The following MYO1D variants were observed in gnomAD, a reference collection of about 807,000 sequenced individuals.
MYO1D encodes unconventional myosin-Id.
Under a neutral mutation model 122.0 loss-of-function variants are expected in MYO1D, and 83 were observed. The ratio of observed to expected loss-of-function variants is 0.68; its 90% CI spans 0.57 to 0.82. The LOEUF (loss-of-function observed/expected upper bound fraction) is 0.82, where lower values mean the gene tolerates loss of function less well. Ranked by LOEUF, MYO1D falls within the 40% of genes least tolerant of loss-of-function variation. The pLI, the probability that MYO1D is intolerant of heterozygous loss-of-function variation, is 0.00. For synonymous variants in MYO1D, 464 were observed against 446.9 expected, an observed-to-expected ratio of 1.04 and a Z score of -0.48; for missense variants, 1,157 against 1,269.5, an observed-to-expected ratio of 0.91 and a Z score of 1.35.
At chr17:32,567,305 G>A (rs750822314) in intron 21 of MYO1D, among the ~76,000 whole-genome samples, 5 of 152,186 alleles carry the variant, frequency 3.3e-5, no homozygotes, top group Non-Finnish European at 5.9e-5. Context: ...AATAGATGCT[G>A]ACTCAGCGAA....
chr17:32,752,083 T>G (rs1220535016), intron 11 of MYO1D, among the ~76,000 whole-genome samples: 1 of 152,146 alleles, frequency 6.6e-6, no homozygotes, highest in African/African-American at 2.4e-5. Flanking sequence ...AATAGACATA[T>G]AGATCAATGG....
chr17:32,575,489 T>C (rs2087270268), intron 21 of MYO1D, among the ~76,000 whole-genome samples: 2 of 152,246 alleles, frequency 1.3e-5, no homozygotes, highest in African/African-American at 4.8e-5. Context: ...ATTTTCCATG[T>C]GGTGTGATTA....
chr17:32,734,735 C>T (rs1281114588), intron 14 of MYO1D: 1 of 151,930 alleles, frequency 6.6e-6, no homozygotes, highest in Non-Finnish European at 1.5e-5. Flanking sequence ...ATTTTACTTG[C>T]TTTGAAGATG....
Position 32,686,123 on chromosome 17 carries a change from A to C in MYO1D, c.2121+25865T>G, listed in dbSNP as rs543505876. 6 of 152,364 alleles carry C rather than the reference A, an allele frequency of 3.9e-5. No homozygotes were observed. In the South Asian group the frequency reaches 1.2e-3, roughly 32 times the overall value. The allele number at this position is 152,364 out of a possible 1,614,324, so 9.4% of individuals were successfully genotyped here. On this transcript the variant is annotated intron_variant, in intron 16 of 21. Coordinates refer to ENST00000318217, the MANE Select transcript of MYO1D (RefSeq NM_015194.3). ...ACAGATCTGTGGAAGGGGGAAAAAA[A>C]ACACACAAAAAAACAAAAACAAACA...
At chr17:32,527,838 CT>C (rs35009377) in intron 21 of MYO1D, among the ~76,000 whole-genome samples, 18,852 of 134,620 alleles carry the variant, frequency 0.14, 1,121 homozygotes, top group South Asian at 0.28. Context: ...AGCAAAACAA[CT>C]TTTTTTTTTT....
chr17:32,852,283 A>G (rs1472169110), intron 1 of MYO1D, among the ~76,000 whole-genome samples: 4 of 152,052 alleles, frequency 2.6e-5, no homozygotes, highest in African/African-American at 9.6e-5. Context: ...ATGCTACCAC[A>G]CCTGGCTAGT....
At chr17:32,659,525 G>A (rs147801415) in intron 16 of MYO1D, 187 bp from the exon 17 acceptor site, 3 of 607,282 alleles carry the variant, frequency 4.9e-6, no homozygotes, top group Non-Finnish European at 8.7e-6. Context: ...AGTCACATCA[G>A]TCATTTTGTT....
intron 1 of MYO1D, among the ~76,000 whole-genome samples, chr17:32,872,858 G>C (rs1471139700): frequency 2.6e-5 from 4 of 151,358 alleles, no homozygotes; most frequent in African/African-American, 9.7e-5. Context: ...CACCGCGCCC[G>C]GCTAATTTTT....
At chr17:32,508,282 C>CT (rs138027843) in intron 21 of MYO1D, among the ~76,000 whole-genome samples, 13 of 148,482 alleles carry the variant, frequency 8.8e-5, no homozygotes, top group African/African-American at 1.5e-4. Flanking sequence ...TCTATGGTAT[C>CT]TTTTTTTTTT....
chr17:32,846,985 TCAAA>T (rs529383218), intron 1 of MYO1D, among the ~76,000 whole-genome samples: 5 of 152,058 alleles, frequency 3.3e-5, no homozygotes, highest in African/African-American at 9.7e-5. Context: ...AGACCCTGTT[TCAAA>T]CAAACAAACA....
At chr17:32,657,414 A>G (rs2088493116) in intron 17 of MYO1D, among the ~76,000 whole-genome samples, 1 of 152,252 alleles carries the variant, frequency 6.6e-6, no homozygotes, top group South Asian at 2.1e-4. Context: ...ACATTTTTAC[A>G]TGTTTACCAA....
chr17:32,637,104 GA>G (rs2088111349), intron 20 of MYO1D, among the ~76,000 whole-genome samples: 2 of 152,248 alleles, frequency 1.3e-5, no homozygotes, highest in South Asian at 4.2e-4. Context: ...ATGAATAAGG[GA>G]AAACAGCTTC....
chr17:32,746,027 GAC>G (rs1191190097), intron 12 of MYO1D, among the ~76,000 whole-genome samples: 1 of 152,208 alleles, frequency 6.6e-6, no homozygotes, highest in East Asian at 1.9e-4. Context: ...AGGAACTTTA[GAC>G]ACAGCTACAC....
chr17:32,754,987 A>G (rs1567625409), intron 11 of MYO1D, among the ~76,000 whole-genome samples: 2 of 152,228 alleles, frequency 1.3e-5, no homozygotes, highest in South Asian at 2.1e-4. Flanking sequence ...TATTTAATGA[A>G]TAAGTTTCTC....
chr17:32,627,450 C>T (rs2087943509), intron 20 of MYO1D, among the ~76,000 whole-genome samples: 1 of 152,110 alleles, frequency 6.6e-6, no homozygotes. Flanking sequence ...TCACCCTGTA[C>T]GCATTACAAG....
At chr17:32,547,661 T>C (rs983602597) in intron 21 of MYO1D, among the ~76,000 whole-genome samples, 2 of 152,210 alleles carry the variant, frequency 1.3e-5, no homozygotes, top group Non-Finnish European at 1.5e-5. Flanking sequence ...GAATTCACTA[T>C]AGTAGCTCAG....
intron 1 of MYO1D, among the ~76,000 whole-genome samples, chr17:32,832,050 A>T (rs986229320): frequency 6.6e-6 from 1 of 151,834 alleles, no homozygotes; most frequent in African/African-American, 2.4e-5. Flanking sequence ...TATACACTAG[A>T]TCTTAGCCAA....
At chr17:32,545,032 C>T (rs1018501628) in intron 21 of MYO1D, among the ~76,000 whole-genome samples, 2 of 152,114 alleles carry the variant, frequency 1.3e-5, no homozygotes, top group Non-Finnish European at 2.9e-5. Context: ...GGAGTCTCTG[C>T]TTAGTGTAGG....
At chr17:32,593,734 G>A (rs1337016118) in intron 21 of MYO1D, among the ~76,000 whole-genome samples, 4 of 152,076 alleles carry the variant, frequency 2.6e-5, no homozygotes, top group African/African-American at 7.2e-5. Flanking sequence ...TCAGGAGTTC[G>A]AGACCAGTCT....
Sources: allele counts gnomAD v4.1 joint callset (sites outside exome capture counted in the v4.1 genomes callset), GRCh38; gene constraint gnomAD v4.1.1; transcripts MANE v1.5; gene names NCBI Gene and HGNC (gene_info 2026-07-23, HGNC 2026-07-21).